Variants in MGAT5 observed in about 807,000 individuals in gnomAD.
The protein encoded by MGAT5 is alpha-1,6-mannosylglycoprotein 6-beta-N-acetylglucosaminyltransferase, also known as alpha-1,6-mannosylglycoprotein 6-beta-N-acetylglucosaminyltransferase A.
MGAT5 carries 30 observed loss-of-function variants against 94.3 expected under a neutral mutation model. That is an observed-to-expected ratio of 0.32 (90% CI 0.24 to 0.43). MGAT5 has a LOEUF of 0.43. Among genes scored for constraint, MGAT5 ranks in the 20% least tolerant of loss-of-function variants. The pLI is 1.00. For missense variants in MGAT5, 691 were observed against 905.5 expected (o/e 0.76, Z 3.04); for synonymous variants, 310 against 322.9 (o/e 0.96, Z 0.43).
intron 10 of MGAT5, among the ~76,000 whole-genome samples, chr2:134,365,283 A>C (rs377217551): frequency 3.7e-4 from 57 of 152,296 alleles, no homozygotes; most frequent in East Asian, 1.4e-3. Context: ...CTCGGCACTT[A>C]AGTGGGAAAT....
chr2:134,374,728 C>T (rs1681051946), intron 10 of MGAT5, among the ~76,000 whole-genome samples: 1 of 152,194 alleles, frequency 6.6e-6, no homozygotes, highest in South Asian at 2.1e-4. Flanking sequence ...CACAGTGGCT[C>T]ATGCCTGTAA....
In MGAT5 at chr2:134,393,357, C is replaced by A. The variant is rs377336795; in HGVS notation, c.1381-9631C>A. On this transcript the variant is annotated intron_variant, in intron 10 of 15. Transcript: ENST00000281923. ...ATTTACAGACAGAGACCAATTCTCC[C>A]CTGTCTCCACTCTGAGTAATTAATG... Among the ~76,000 whole-genome samples the A allele has an allele frequency of 1.1e-4, 16 of 152,252 alleles. No individual in the cohort carries two copies. In the South Asian group the frequency reaches 3.3e-3, roughly 32 times the overall value.
intron 10 of MGAT5, among the ~76,000 whole-genome samples, chr2:134,393,992 A>C (rs1402947083): frequency 6.6e-6 from 1 of 152,202 alleles, no homozygotes; most frequent in East Asian, 1.9e-4. Flanking sequence ...GCTGGCAGGA[A>C]GGTAAGGCCC....
chr2:134,346,956 A>C (rs1688954425), intron 8 of MGAT5, among the ~76,000 whole-genome samples: 1 of 152,132 alleles, frequency 6.6e-6, no homozygotes, highest in African/African-American at 2.4e-5. Context: ...TGTGGCTGAG[A>C]GCAAAGAGAA....
At chr2:134,447,313 T>A (rs1685842803) in intron 15 of MGAT5, among the ~76,000 whole-genome samples, 1 of 151,866 alleles carries the variant, frequency 6.6e-6, no homozygotes, top group Non-Finnish European at 1.5e-5. Context: ...AGTGGGGAGG[T>A]GGTATAGCCC....
chr2:134,148,704 G>A (rs1422989416), intron 1 of MGAT5, among the ~76,000 whole-genome samples: 3 of 151,062 alleles, frequency 2.0e-5, no homozygotes, highest in Admixed American at 6.6e-5. Flanking sequence ...CACTTCTATC[G>A]TAGAGAACTT....
chr2:134,379,748 T>C (rs1331661230), intron 10 of MGAT5, among the ~76,000 whole-genome samples: 1 of 152,232 alleles, frequency 6.6e-6, no homozygotes, highest in African/African-American at 2.4e-5. Flanking sequence ...GAATAAAATG[T>C]GAACGTTTGG....
Position 134,296,291 on chromosome 2 carries a change from G to A in MGAT5, c.407-21238G>A, listed in dbSNP as rs141859767. ...CCACCATATAAAACTAGCTGGACCT[G>A]GGAGTCAGTTTCTGGAATTTATGGG... On this transcript the variant is annotated intron_variant, in intron 2 of 15. Coordinates refer to ENST00000281923, the MANE Select transcript of MGAT5 (RefSeq NM_002410.5). Among the ~76,000 whole-genome samples, 50 of 152,230 alleles carry A rather than the reference G, an allele frequency of 3.3e-4. No individual in the cohort carries two copies. In the East Asian group the frequency reaches 7.5e-3, roughly 23 times the overall value.
intron 10 of MGAT5, among the ~76,000 whole-genome samples, chr2:134,391,367 C>G (rs887162141): frequency 6.6e-6 from 1 of 152,184 alleles, no homozygotes; most frequent in South Asian, 2.1e-4. Flanking sequence ...GTTAGTTAGC[C>G]TTGGCTGAGT....
At chr2:134,192,034 A>G (rs1343107630) in intron 1 of MGAT5, among the ~76,000 whole-genome samples, 1 of 119,128 alleles carries the variant, frequency 8.4e-6, no homozygotes. Context: ...TTCCTGATTG[A>G]AGGGTGGGTT....
intron 10 of MGAT5, among the ~76,000 whole-genome samples, chr2:134,396,068 A>G (rs376361151): frequency 6.6e-6 from 1 of 152,202 alleles, no homozygotes; most frequent in African/African-American, 2.4e-5. Flanking sequence ...CACTGCAATC[A>G]TTGAGCACCA....
At chr2:134,336,956 T>G (rs1688369276) in intron 5 of MGAT5, among the ~76,000 whole-genome samples, 1 of 152,280 alleles carries the variant, frequency 6.6e-6, no homozygotes, top group South Asian at 2.1e-4. Context: ...AATACCCAGA[T>G]AGTAAATAGT....
chr2:134,173,769 A>C (rs1688332283), intron 1 of MGAT5, among the ~76,000 whole-genome samples: 1 of 152,242 alleles, frequency 6.6e-6, no homozygotes, highest in African/African-American at 2.4e-5. Flanking sequence ...CCAGAGCAGC[A>C]GACTTAACTG....
At chr2:134,429,304 T>C (rs1684755978) in intron 14 of MGAT5, among the ~76,000 whole-genome samples, 1 of 152,214 alleles carries the variant, frequency 6.6e-6, no homozygotes, top group African/African-American at 2.4e-5. Flanking sequence ...ACTGAAACTG[T>C]GGCGAGCAGC....
intron 14 of MGAT5, 119 bp downstream of exon 14, chr2:134,428,558 G>T: frequency 1.2e-6 from 1 of 852,658 alleles, no homozygotes; most frequent in East Asian, 2.6e-5. Context: ...TGCTTTGGGA[G>T]ACTCTAGAAG....
chr2:134,310,472 T>A (rs1686583017), intron 2 of MGAT5, among the ~76,000 whole-genome samples: 1 of 152,208 alleles, frequency 6.6e-6, no homozygotes, highest in African/African-American at 2.4e-5. Flanking sequence ...TCTAAAATTA[T>A]TTTATGCAAT....
chr2:134,404,492 A>C (rs1683228256), intron 11 of MGAT5, among the ~76,000 whole-genome samples: 1 of 152,242 alleles, frequency 6.6e-6, no homozygotes, highest in Non-Finnish European at 1.5e-5. Context: ...AACTGGGGTC[A>C]AGTCCTGGAG....
chr2:134,244,521 T>C (rs1490858709), intron 1 of MGAT5, among the ~76,000 whole-genome samples: 1 of 152,202 alleles, frequency 6.6e-6, no homozygotes, highest in Admixed American at 6.5e-5. Flanking sequence ...GAGACTCATT[T>C]ATCAGTCACC....
At chr2:134,414,934 C>A (rs1210165557) in intron 12 of MGAT5, among the ~76,000 whole-genome samples, 1 of 152,200 alleles carries the variant, frequency 6.6e-6, no homozygotes, top group African/African-American at 2.4e-5. Flanking sequence ...CCACATTCAT[C>A]CATGTTGCCG....
Sources: gnomAD v4.1 joint callset for allele counts (sites outside exome capture counted in the v4.1 genomes callset) on GRCh38, gnomAD v4.1.1 for gene constraint, MANE v1.5 for transcripts, NCBI Gene and HGNC (gene_info 2026-07-23, HGNC 2026-07-21) for gene names.